The following MANF variants were observed in gnomAD, a reference collection of about 807,000 sequenced individuals.
MANF encodes mesencephalic astrocyte-derived neurotrophic factor.
In MANF, 9 loss-of-function variants were observed where a neutral mutation model predicts 19.1. The ratio of observed to expected loss-of-function variants is 0.47; its 90% CI spans 0.28 to 0.82. The LOEUF (loss-of-function observed/expected upper bound fraction) is 0.82. Ranked by LOEUF, MANF falls within the 40% of genes least tolerant of loss-of-function variation. MANF has a pLI of 0.10. For synonymous variants in MANF, 89 were observed against 88.0 expected, an observed-to-expected ratio of 1.01 and a Z score of -0.06; for missense variants, 225 against 226.7, an observed-to-expected ratio of 0.99 and a Z score of 0.05.
In MANF at chr3:51,386,219, T is replaced by C; in HGVS notation, c.106T>C (p.Tyr36His). The C allele has an allele frequency of 6.2e-7, 1 of 1,613,630 alleles. No individual in the cohort carries two copies. ...CCTCTCTTTTCCAGTTTGTATTTCT[T>C]ATCTGGGAAGATTTTACCAGGACCT... is the stretch of plus-strand genomic sequence containing the variant. ...RPGDCEVCIS[Y>H]LGRFYQDLKD... The change falls in exon 2 of 4, where the codon TAT becomes CAT. Residue 36 changes from tyrosine to histidine, a missense_variant. Transcript: ENST00000528157.
rs781861842 is a variant in MANF, at chr3:51,387,389, G to A, written c.223-348G>A. On this transcript the variant is annotated intron_variant, in intron 2 of 3. Coordinates refer to ENST00000528157, the MANE Select transcript of MANF (RefSeq NM_006010.6). ...GGAGAATTGCTTGAACCTGGGAGGCGGAGGTTGCAGTGAGCCGAGCCAAGA... is the reference window on the plus strand; with the variant it reads ...GGAGAATTGCTTGAACCTGGGAGGCAGAGGTTGCAGTGAGCCGAGCCAAGA... Among the ~76,000 whole-genome samples the A allele has an allele frequency of 1.6e-4, 24 of 152,198 alleles. No individual in the cohort carries two copies. In the East Asian group the frequency reaches 1.9e-3, roughly 12 times the overall value.
chr3:51,387,273 G>A (rs189704785), intron 2 of MANF, among the ~76,000 whole-genome samples: 10 of 152,286 alleles, frequency 6.6e-5, no homozygotes, highest in African/African-American at 2.4e-4. Context: ...TGGCCAACAT[G>A]GCAAAACTCT....
At position 51,385,898 on chromosome 3, in the gene MANF, C is replaced by T. The variant is rs575425590; in HGVS notation, c.95-310C>T. The T allele has an allele frequency of 2.4e-5, 8 of 331,218 alleles. No individual in the cohort carries two copies. In the South Asian group the frequency reaches 4.7e-4, roughly 20 times the overall value. 20.5% of individuals were successfully genotyped at this position (331,218 alleles called of 1,614,324 possible). A position where few individuals can be genotyped will look rare whatever the true frequency, so the allele number is the denominator to read the frequency against. The stretch of plus-strand genomic sequence containing the variant: ...CTTCCAGTCTCTCCATTTATGAGGT[C>T]ACAGTGAGTCCCGTCTCAAGGACAC... On this transcript the variant is annotated intron_variant, in intron 1 of 3. Coordinates refer to ENST00000528157, the MANE Select transcript of MANF (RefSeq NM_006010.6).
chr3:51,386,902 G>GT (rs2088967210), intron 2 of MANF: 2 of 456,656 alleles, frequency 4.4e-6, no homozygotes, highest in Non-Finnish European at 8.8e-6. Context: ...TTTTCTCTCT[G>GT]TTAAAGGTTT....
In MANF at chr3:51,389,009, A is replaced by C; in HGVS notation, c.469A>C (p.Lys157Gln). Residue 157 changes from lysine to glutamine, a missense_variant, in exon 4 of 4, where the codon AAG becomes CAG. Transcript: ENST00000528157. ...WGETCKGCAE[K>Q]SDYIRKINEL... ...GGAGACATGCAAAGGCTGTGCAGAAAAGTCTGACTACATCCGGAAGATAAA... is the reference window on the plus strand; with the variant it reads ...GGAGACATGCAAAGGCTGTGCAGAACAGTCTGACTACATCCGGAAGATAAA... The C allele has an allele frequency of 1.2e-6, 2 of 1,611,474 alleles. No individual in the cohort carries two copies. The highest frequency in any genetic ancestry group is 1.7e-6 in the Non-Finnish European group (2 of 1,178,762).
At chr3:51,386,809 G>A in intron 2 of MANF, 1 of 453,962 alleles carries the variant, frequency 2.2e-6, no homozygotes, top group Non-Finnish European at 4.4e-6. Flanking sequence ...GGTGCCTACA[G>A]GATAGGCAAG....
At chr3:51,385,973 T>G in intron 1 of MANF, 1 of 536,966 alleles carries the variant, frequency 1.9e-6, no homozygotes, top group Non-Finnish European at 3.3e-6. Context: ...AGAAGTCGTT[T>G]ATAGGTCATT....
rs782330716 is a variant in MANF, at chr3:51,389,034, A to G, written c.494A>G (p.Asn165Ser). The G allele has an allele frequency of 1.2e-6, 2 of 1,612,558 alleles. No homozygotes were observed. The highest frequency in any genetic ancestry group is 1.7e-6 in the Non-Finnish European group (2 of 1,179,358). The change falls in exon 4 of 4, where the codon AAT becomes AGT. Residue 165 changes from asparagine (N) to serine (S), a missense_variant. By Grantham distance (46) the Asn-to-Ser change is conservative. Transcript: ENST00000528157. The stretch of plus-strand genomic sequence containing the variant: ...AAGTCTGACTACATCCGGAAGATAA[A>G]TGAACTGATGCCTAAATATGCCCCC... ...AEKSDYIRKINELMPKYAPKA... is the reference protein window; with the variant it reads ...AEKSDYIRKISELMPKYAPKA...
chr3:51,385,347 G>A lies in MANF; in HGVS notation c.5G>A (p.Arg2Lys), dbSNP rs2088932440. The change falls in exon 1 of 4, where the codon AGG (arginine) becomes AAG (lysine). Residue 2 changes from arginine (R) to lysine (K), a missense_variant. Physicochemically the swap from Arg to Lys is conservative, Grantham distance 26. Coordinates refer to ENST00000528157, the MANE Select transcript of MANF (RefSeq NM_006010.6). MRRMWATQGLAV... is the reference protein window; with the variant it reads MKRMWATQGLAV... The stretch of plus-strand genomic sequence containing the variant: ...AGGAGGAGGAGGATGAGGAGGATGA[G>A]GAGGATGTGGGCCACGCAGGGGCTG... 3.2e-6 allele frequency: 4 copies of A among 1,238,548 alleles called. No individual in the cohort carries two copies. The highest frequency in any genetic ancestry group is 4.0e-6 in the Non-Finnish European group (4 of 988,822). The allele number at this position is 1,238,548 out of a possible 1,614,324, so 76.7% of individuals were successfully genotyped here.
At chr3:51,386,025 AC>A in intron 1 of MANF, 182 bp from the exon 2 acceptor site, 2 of 608,860 alleles carry the variant, frequency 3.3e-6, no homozygotes, top group East Asian at 2.8e-5. Context: ...GTACCAGGGG[AC>A]CCCCGCCACT....
At chr3:51,385,859 AT>A (rs2088950308) in intron 1 of MANF, 2 of 266,240 alleles carry the variant, frequency 7.5e-6, no homozygotes, top group Non-Finnish European at 7.1e-6. Context: ...CATTTTGATC[AT>A]TTTTCTCTTC....
rs1353005508 is a variant in MANF, at chr3:51,385,334, A to G, written c.-9A>G. 195 of 1,085,354 alleles carry G rather than the reference A, an allele frequency of 1.8e-4. No individual in the cohort carries two copies. Among genetic ancestry groups the G allele is most frequent in the Non-Finnish European group, 2.1e-4 (183 of 859,564 alleles). The allele number at this position is 1,085,354 out of a possible 1,614,324, so 67.2% of individuals were successfully genotyped here. A position where few individuals can be genotyped will look rare whatever the true frequency, so the allele number is the denominator to read the frequency against. On this transcript the variant is annotated 5_prime_UTR_variant, in exon 1 of 4. An upstream start codon of the reference 5' UTR is lost. Coordinates refer to ENST00000528157, the MANE Select transcript of MANF (RefSeq NM_006010.6). ...GCGGAGGAGGAGGAGGAGGAGGAGGATGAGGAGGATGAGGAGGATGTGGGC... is the reference window on the plus strand; with the variant it reads ...GCGGAGGAGGAGGAGGAGGAGGAGGGTGAGGAGGATGAGGAGGATGTGGGC...
rs1367540266 is a variant in MANF, at chr3:51,386,199, C to T, written c.95-9C>T. The T allele has an allele frequency of 5.0e-6, 8 of 1,612,974 alleles. No individual in the cohort carries two copies. The African/African-American group carries it at 9.3e-5, about 19-fold the overall frequency. On this transcript the variant is annotated splice_polypyrimidine_tract_variant and intron_variant, in intron 1 of 3. Coordinates refer to ENST00000528157, the MANE Select transcript of MANF (RefSeq NM_006010.6). ...ATTGCTGAGCATCTCCCGTCCCTCT[C>T]TTTTCCAGTTTGTATTTCTTATCTG...
chr3:51,386,180 G>A, intron 1 of MANF, 28 bp from the exon 2 acceptor site: 1 of 1,611,554 alleles, frequency 6.2e-7, no homozygotes, highest in Non-Finnish European at 8.5e-7. Flanking sequence ...GGTGATTGCT[G>A]AGCATCTCCC....
intron 3 of MANF, 40 bp downstream of exon 3, chr3:51,387,918 CT>C: frequency 6.2e-7 from 1 of 1,603,606 alleles, no homozygotes; most frequent in African/African-American, 1.3e-5. Flanking sequence ...TGCTGTGCAC[CT>C]TCTGGGTTTG....
intron 1 of MANF, 138 bp from the exon 2 acceptor site, chr3:51,386,070 A>C (rs1179041011): frequency 7.4e-6 from 7 of 940,916 alleles, no homozygotes; most frequent in Non-Finnish European, 1.1e-5. Flanking sequence ...TAGACACCTG[A>C]GAAAAATCGG....
At chr3:51,385,526 A>AGGGCGGGGGCGG (rs1217379531) in intron 1 of MANF, 90 bp downstream of exon 1, 2 of 34,654 alleles carry the variant, frequency 5.8e-5, no homozygotes, top group Non-Finnish European at 1.1e-4. Context: ...CGGGGCCAAG[A>AGGGCGGGGGCGG]GGGCGAGGGC....
intron 2 of MANF, among the ~76,000 whole-genome samples, chr3:51,387,388 C>T (rs1251419638): frequency 2.0e-5 from 3 of 151,612 alleles, no homozygotes; most frequent in Non-Finnish European, 4.4e-5. Flanking sequence ...ACCTGGGAGG[C>T]GGAGGTTGCA....
At chr3:51,388,047 C>T (rs1314898729) in intron 3 of MANF, among the ~76,000 whole-genome samples, 169 bp downstream of exon 3, 2 of 151,992 alleles carry the variant, frequency 1.3e-5, no homozygotes, top group South Asian at 4.1e-4. Context: ...TCAGAATAGG[C>T]CTTATTGAAG....
Sources: allele counts gnomAD v4.1 joint callset (sites outside exome capture counted in the v4.1 genomes callset), GRCh38; gene constraint gnomAD v4.1.1; transcripts MANE v1.5; gene names NCBI Gene and HGNC (gene_info 2026-07-23, HGNC 2026-07-21).